The following EPGN variants were observed in gnomAD, a reference collection of about 807,000 sequenced individuals.
The protein encoded by EPGN is epithelial mitogen.
In EPGN, 21 loss-of-function variants were observed where a neutral mutation model predicts 20.7. That is an observed-to-expected ratio of 1.01 (90% confidence interval 0.72 to 1.46). The LOEUF (loss-of-function observed/expected upper bound fraction) is 1.46, where lower values mean the gene tolerates loss of function less well. EPGN is among the 40% of genes most tolerant of loss of function. The probability of loss-of-function intolerance (pLI) is 0.00; values close to 1 mark genes in which losing one functional copy is unlikely to be tolerated. For missense variants in EPGN, 199 were observed against 180.7 expected (o/e 1.10, Z -0.58); for synonymous variants, 69 against 63.8 (o/e 1.08, Z -0.39).
intron 2 of EPGN, 72 bp downstream of exon 2, chr4:74,309,254 A>C: frequency 8.2e-7 from 1 of 1,224,374 alleles, no homozygotes; most frequent in Non-Finnish European, 1.2e-6. Context: ...ATTGTGATAA[A>C]AGCAATATTG....
intron 4 of EPGN, 178 bp downstream of exon 4, chr4:74,313,348 A>T: frequency 2.1e-6 from 3 of 1,397,726 alleles, no homozygotes; most frequent in Non-Finnish European, 2.8e-6. Context: ...AACCCAGACG[A>T]GTGGTAAAAA....
chr4:74,310,330 C>T (rs1354848005), intron 2 of EPGN, among the ~76,000 whole-genome samples: 6 of 151,678 alleles, frequency 4.0e-5, no homozygotes, highest in South Asian at 2.1e-4. Flanking sequence ...GACGTGGTGG[C>T]GCATGCCTGT....
chr4:74,312,005 G>A (rs1221988030), intron 2 of EPGN, among the ~76,000 whole-genome samples, 180 bp from the exon 3 acceptor site: 1 of 152,098 alleles, frequency 6.6e-6, no homozygotes, highest in African/African-American at 2.4e-5. Context: ...TATGTCATAT[G>A]TCTAGATGAT....
At chr4:74,309,695 G>A (rs1319764677) in intron 2 of EPGN, among the ~76,000 whole-genome samples, 1 of 151,996 alleles carries the variant, frequency 6.6e-6, no homozygotes, top group Non-Finnish European at 1.5e-5. Flanking sequence ...CCCAATTTTT[G>A]TTGTTGATGG....
intron 1 of EPGN, 89 bp from the exon 2 acceptor site, chr4:74,309,004 G>A (rs1412661213): frequency 1.0e-6 from 1 of 967,108 alleles, no homozygotes; most frequent in African/African-American, 1.7e-5. Context: ...AATAGAAATT[G>A]GAATAAACAG....
chr4:74,312,674 A>T (rs1016787671), intron 3 of EPGN, among the ~76,000 whole-genome samples: 2 of 152,184 alleles, frequency 1.3e-5, no homozygotes, highest in Non-Finnish European at 2.9e-5. Flanking sequence ...TAAGGCAAAA[A>T]CATTACAGGA....
intron 2 of EPGN, among the ~76,000 whole-genome samples, chr4:74,309,396 A>T (rs750787761): frequency 3.9e-5 from 6 of 152,230 alleles, no homozygotes; most frequent in Non-Finnish European, 7.3e-5. Flanking sequence ...AAATGAGACA[A>T]AAGCTGTCTT....
rs1578791784 is a variant in EPGN at position 74,314,394 on chromosome 4, C to A, written c.408-186C>A. ...GGGCACTCAGTTGGCTATGGGCAGA[C>A]CTTGGGAGAAGACTGCTGCCATGAG... is the stretch of plus-strand genomic sequence containing the variant. On this transcript the variant is annotated intron_variant, in intron 4 of 4. Transcript: ENST00000413830. 3 of 625,492 alleles carry A rather than the reference C, an allele frequency of 4.8e-6. No homozygotes were observed. The South Asian group carries it at 5.8e-5, about 12-fold the overall frequency. The allele number at this position is 625,492 out of a possible 1,614,324, so 38.7% of individuals were successfully genotyped here. A position where few individuals can be genotyped will look rare whatever the true frequency, so the allele number is the denominator to read the frequency against.
intron 1 of EPGN, 26 bp downstream of exon 1, chr4:74,308,602 A>G (rs1460682105): frequency 6.3e-7 from 1 of 1,594,730 alleles, no homozygotes; most frequent in African/African-American, 1.3e-5. Context: ...TTGTTTTGTT[A>G]ACTTTATATC....
rs1355524686 is a variant in EPGN, at chr4:74,316,228, T to C, written c.*1591T>C. Among the ~76,000 whole-genome samples, 4 of 152,144 alleles carry C rather than the reference T, an allele frequency of 2.6e-5. No homozygotes were observed. The highest frequency in any genetic ancestry group is 1.5e-5 in the Non-Finnish European group (1 of 68,020). On this transcript the variant is annotated 3_prime_UTR_variant, in exon 5 of 5. Coordinates refer to ENST00000413830, the MANE Select transcript of EPGN (RefSeq NM_001270989.2). ...ATTATCTTAGGTATGTTTTAGGGTT[T>C]AGTTTGTAAAATAATAATTTATTTT...
At chr4:74,313,894 A>G (rs547825899) in intron 4 of EPGN, among the ~76,000 whole-genome samples, 2 of 152,290 alleles carry the variant, frequency 1.3e-5, no homozygotes, top group Admixed American at 6.5e-5. Flanking sequence ...CAAAATTAGA[A>G]AAGTTTGTTT....
rs550930833 is a variant in EPGN, at chr4:74,313,472, G to A, written c.407+302G>A. 2,002 of 1,239,894 alleles carry A rather than the reference G, an allele frequency of 1.6e-3. 10 individuals carry two copies. Among genetic ancestry groups the A allele is most frequent in the South Asian group, 6.0e-3 (190 of 31,590 alleles). The allele number at this position is 1,239,894 out of a possible 1,614,324, so 76.8% of individuals were successfully genotyped here. A position where few individuals can be genotyped will look rare whatever the true frequency, so the allele number is the denominator to read the frequency against. On this transcript the variant is annotated intron_variant, in intron 4 of 4. Coordinates refer to ENST00000413830, the MANE Select transcript of EPGN (RefSeq NM_001270989.2). ...GGACAGCAGGCCCCAAGAAAGTAGG[G>A]ACTAAGTATGTCTTGTTCAAAATTG...
chr4:74,308,609 T>C (rs1044205533), intron 1 of EPGN, 33 bp downstream of exon 1: 1 of 1,574,972 alleles, frequency 6.3e-7, no homozygotes, highest in African/African-American at 1.4e-5. Context: ...GTTAACTTTA[T>C]ATCAGTGTAA....
chr4:74,313,522 C>G, intron 4 of EPGN: 1 of 1,119,772 alleles, frequency 8.9e-7, no homozygotes, highest in Non-Finnish European at 1.1e-6. Context: ...TACACTATGC[C>G]TAGCACACAA....
chr4:74,312,392 T>C, intron 3 of EPGN, 87 bp downstream of exon 3: 2 of 1,442,196 alleles, frequency 1.4e-6, no homozygotes, highest in Non-Finnish European at 1.8e-6. Context: ...CACACTTTTC[T>C]CTCTTTAGTT....
At position 74,314,771 on chromosome 4, in the gene EPGN, T is replaced by C; in HGVS notation, c.*134T>C. 3 of 852,270 alleles carry C rather than the reference T, an allele frequency of 3.5e-6. No homozygotes were observed. Among genetic ancestry groups the C allele is most frequent in the Admixed American group, 2.6e-5 (1 of 38,042 alleles). The allele number at this position is 852,270 out of a possible 1,614,324, so 52.8% of individuals were successfully genotyped here. A position where few individuals can be genotyped will look rare whatever the true frequency, so the allele number is the denominator to read the frequency against. On this transcript the variant is annotated 3_prime_UTR_variant, in exon 5 of 5. Transcript: ENST00000413830. Reference sequence around the variant, plus strand: ...AATGAAAGTTGGGATCACAATGAAATGAGAAGATAAAATTCAGCGTTGGCC... The same window carrying C: ...AATGAAAGTTGGGATCACAATGAAACGAGAAGATAAAATTCAGCGTTGGCC...
rs1750675697 is a variant in EPGN, at chr4:74,308,471, A to G, written c.-63A>G. 7.2e-7 allele frequency: 1 copy of G among 1,391,920 alleles called. No individual in the cohort carries two copies. The highest frequency in any genetic ancestry group is 1.0e-6 in the Non-Finnish European group (1 of 1,002,282). The allele number at this position is 1,391,920 out of a possible 1,614,324, so 86.2% of individuals were successfully genotyped here. A position where few individuals can be genotyped will look rare whatever the true frequency, so the allele number is the denominator to read the frequency against. On this transcript the variant is annotated 5_prime_UTR_variant, in exon 1 of 5. Coordinates refer to ENST00000413830, the MANE Select transcript of EPGN (RefSeq NM_001270989.2). ...ATGCAACAAAGACTCAGAGAGCTCA[A>G]TAAAAACCTTCCACCCGTCAGTCTA...
intron 1 of EPGN, 113 bp from the exon 2 acceptor site, chr4:74,308,980 T>C: frequency 1.3e-6 from 1 of 791,852 alleles, no homozygotes; most frequent in Non-Finnish European, 2.1e-6. Context: ...ATTTCAACTG[T>C]AATAAATTAA....
intron 2 of EPGN, 144 bp from the exon 3 acceptor site, chr4:74,312,041 C>T: frequency 1.2e-6 from 1 of 834,110 alleles, no homozygotes; most frequent in Non-Finnish European, 1.7e-6. Context: ...GTGAATACAA[C>T]CTGCTAAGAG....
Sources: allele counts gnomAD v4.1 joint callset (sites outside exome capture counted in the v4.1 genomes callset), GRCh38; gene constraint gnomAD v4.1.1; transcripts MANE v1.5; gene names NCBI Gene and HGNC (gene_info 2026-07-23, HGNC 2026-07-21).